Variants in SHE observed in about 807,000 individuals in gnomAD.
SHE encodes the protein SH2 domain-containing adapter protein E.
In SHE, 11 loss-of-function variants were observed where a neutral mutation model predicts 49.8. That is an observed-to-expected ratio of 0.22 (90% confidence interval 0.14 to 0.37). SHE has a LOEUF of 0.37. SHE is among the 10% of genes least tolerant of loss of function. The pLI is 1.00. For missense variants in SHE, 624 were observed against 655.5 expected (o/e 0.95, Z 0.52); for synonymous variants, 310 against 278.1 (o/e 1.11, Z -1.14).
chr1:154,478,355 C>T (rs1228258165), downstream of SHE, among the ~76,000 whole-genome samples: 2 of 148,920 alleles, frequency 1.3e-5, no homozygotes, highest in Non-Finnish European at 2.9e-5. Flanking sequence ...CTCCCAAGGC[C>T]AGGCTGTGCA....
intron 5 of SHE, chr1:154,485,035 G>GT (rs1692131138): frequency 6.6e-6 from 1 of 150,872 alleles, no homozygotes; most frequent in Admixed American, 6.6e-5. Context: ...CTAAAAGGAC[G>GT]TAAGTAAGGG....
At chr1:154,474,617 G>A (rs1468905307), downstream of SHE, among the ~76,000 whole-genome samples, 1 of 152,142 alleles carries the variant, frequency 6.6e-6, no homozygotes, top group African/African-American at 2.4e-5. Context: ...CGATTCTCCT[G>A]CCTCAGCCTC....
At position 154,479,826 on chromosome 1, in the gene SHE, G is replaced by C; in HGVS notation, c.*4323C>G. On this transcript the variant is annotated 3_prime_UTR_variant, in exon 6 of 6. Coordinates refer to ENST00000304760, the MANE Select transcript of SHE (RefSeq NM_001010846.3). The stretch of plus-strand genomic sequence containing the variant: ...ATTACACGATCCAGCCTTAGTCCAG[G>C]GACCTTGTGATGATAGTTGTATTAG... 2.0e-6 allele frequency: 2 copies of C among 985,364 alleles called. No individual in the cohort carries two copies. The highest frequency in any genetic ancestry group is 2.4e-6 in the Non-Finnish European group (2 of 829,918). The allele number at this position is 985,364 out of a possible 1,614,324, so 61.0% of individuals were successfully genotyped here.
intron 1 of SHE, among the ~76,000 whole-genome samples, chr1:154,471,109 C>T (rs913686406): frequency 6.6e-6 from 1 of 152,090 alleles, no homozygotes; most frequent in African/African-American, 2.4e-5. Context: ...ACTCCTTAGG[C>T]GGAGTGGTGA....
At position 154,500,200 on chromosome 1, in the gene SHE, G is replaced by A. The variant is rs571213289; in HGVS notation, c.592-962C>T. On this transcript the variant is annotated intron_variant, in intron 1 of 5. Transcript: ENST00000304760. ...ACAACCACTGCAAGGGACTGTGACT[G>A]CGACTGCCATTCACTTAATCCATTT... 1.4e-4 allele frequency among the ~76,000 whole-genome samples: 22 copies of A among 152,320 alleles called. No homozygotes were observed. The South Asian group carries it at 3.7e-3, about 26-fold the overall frequency.
intron 1 of SHE, 26 bp downstream of exon 1, chr1:154,501,410 T>C (rs1454867756): frequency 6.2e-7 from 1 of 1,605,454 alleles, no homozygotes. Context: ...GACTGAGAGG[T>C]GGTCCAAGGG....
Position 154,502,189 on chromosome 1 carries a change from C to T in SHE, c.-163G>A, listed in dbSNP as rs1692808691. On this transcript the variant is annotated 5_prime_UTR_variant, in exon 1 of 6. Coordinates refer to ENST00000304760, the MANE Select transcript of SHE (RefSeq NM_001010846.3). ...TGCTCCGGACACGGCAGGCGACAGG[C>T]ACGACGCGCGGGGGGCCCCGCCCGG... The T allele has an allele frequency of 2.3e-6, 1 of 431,152 alleles. No homozygotes were observed. Among genetic ancestry groups the T allele is most frequent in the Non-Finnish European group, 3.5e-6 (1 of 288,018 alleles). 26.7% of individuals were successfully genotyped at this position (431,152 alleles called of 1,614,324 possible).
chr1:154,473,196 C>T (rs947154879), intron 1 of SHE, among the ~76,000 whole-genome samples: 1 of 151,892 alleles, frequency 6.6e-6, no homozygotes, highest in African/African-American at 2.4e-5. Flanking sequence ...GACGGGGTTT[C>T]TCCGTGTTGG....
At chr1:154,476,283 TTG>T (rs1438626589), downstream of SHE, among the ~76,000 whole-genome samples, 1 of 152,038 alleles carries the variant, frequency 6.6e-6, no homozygotes, top group Non-Finnish European at 1.5e-5. Context: ...AAGGTCAAGG[TTG>T]TGGTGAGCCA....
downstream of SHE, among the ~76,000 whole-genome samples, chr1:154,476,515 C>T (rs1691879980): frequency 6.6e-6 from 1 of 151,962 alleles, no homozygotes; most frequent in Non-Finnish European, 1.5e-5. Context: ...TGGTGGTGGG[C>T]ACCTATAATC....
chr1:154,482,480 G>C lies in SHE; in HGVS notation c.*1669C>G, dbSNP rs1181945081. Reference sequence around the variant, plus strand: ...GTCAAATGTAACTAGTAACTACAAAGGTATACTTTCCTAAAAAATTAACCA... The same window carrying C: ...GTCAAATGTAACTAGTAACTACAAACGTATACTTTCCTAAAAAATTAACCA... On this transcript the variant is annotated 3_prime_UTR_variant, in exon 6 of 6. Transcript: ENST00000304760. 1.0e-6 allele frequency: 1 copy of C among 985,224 alleles called. No individual in the cohort carries two copies. The allele number at this position is 985,224 out of a possible 1,614,324, so 61.0% of individuals were successfully genotyped here.
At chr1:154,477,369 CTATTT>C (rs1423924159), downstream of SHE, among the ~76,000 whole-genome samples, 5 of 152,012 alleles carry the variant, frequency 3.3e-5, no homozygotes, top group Admixed American at 6.6e-5. Context: ...TCTTAACCAC[CTATTT>C]TAATTTTTTT....
rs747934291 is a variant in SHE at position 154,489,247 on chromosome 1, T to A, written c.828A>T (p.Arg276Ser). 4.3e-6 allele frequency: 7 copies of A among 1,614,214 alleles called. No individual in the cohort carries two copies. Among genetic ancestry groups the A allele is most frequent in the Non-Finnish European group, 5.9e-6 (7 of 1,180,036 alleles). ...GGLKSETLAK[R>S]RSSKDLLGKP... The stretch of plus-strand genomic sequence containing the variant: ...TCCCCAGGAGGTCCTTGGAACTCCG[T>A]CTTTTGGCCAAGGTCTCTGATTTCA... Residue 276 changes from arginine to serine, a missense_variant, in exon 3 of 6, where the codon AGA becomes AGT. Physicochemically the swap from Arg to Ser is moderately radical, Grantham distance 110. This residue lies in a region of SHE where 155 missense variants were observed against 142.0 expected (regional missense o/e 1.09). Coordinates refer to ENST00000304760, the MANE Select transcript of SHE (RefSeq NM_001010846.3).
intron 2 of SHE, among the ~76,000 whole-genome samples, chr1:154,493,438 A>G (rs1044781692): frequency 4.6e-5 from 7 of 152,202 alleles, no homozygotes; most frequent in African/African-American, 9.7e-5. Context: ...CGAGCCTGAG[A>G]AGGAGGAAAT....
intron 1 of SHE, among the ~76,000 whole-genome samples, chr1:154,470,513 T>A (rs565426459): frequency 3.3e-5 from 5 of 152,298 alleles, no homozygotes; most frequent in African/African-American, 1.2e-4. Context: ...CCATCCTCCA[T>A]CCTCCAGTAG....
downstream of SHE, among the ~76,000 whole-genome samples, chr1:154,478,475 A>G (rs906301107): frequency 1.3e-5 from 2 of 150,140 alleles, no homozygotes; most frequent in Non-Finnish European, 2.9e-5. Flanking sequence ...CTGGGCCGCA[A>G]TCTGGGCTCT....
At chr1:154,485,740 A>G (rs1692156625) in intron 5 of SHE, 2 of 527,214 alleles carry the variant, frequency 3.8e-6, no homozygotes, top group Non-Finnish European at 6.8e-6. Context: ...TCATTATCAT[A>G]ATAGATAATG....
intron 1 of SHE, 77 bp downstream of exon 1, chr1:154,501,358 TA>T: frequency 7.2e-7 from 1 of 1,390,230 alleles, no homozygotes; most frequent in Non-Finnish European, 1.0e-6. Context: ...CTCTTAGGTC[TA>T]AAGAAGCCTA....
intron 1 of SHE, among the ~76,000 whole-genome samples, chr1:154,473,447 C>T (rs532317893): frequency 1.4e-3 from 209 of 151,858 alleles, no homozygotes; most frequent in Non-Finnish European, 2.5e-3. Context: ...TGTACTCCAG[C>T]CCGGGCAACA....
Sources: gnomAD v4.1 joint callset for allele counts (sites outside exome capture counted in the v4.1 genomes callset) on GRCh38, gnomAD v4.1.1 for gene constraint, gnomAD v4.1.1 regional missense constraint, MANE v1.5 for transcripts, NCBI Gene and HGNC (gene_info 2026-07-23, HGNC 2026-07-21) for gene names.